GRIK2: variants seen among roughly 807,000 people sequenced by gnomAD.
The protein encoded by GRIK2 is glutamate receptor ionotropic, kainate 2.
A neutral mutation model predicts 100.3 loss-of-function variants in GRIK2; 32 were observed. The observed-to-expected ratio is 0.32, with a 90% CI of 0.24 to 0.43. The LOEUF is 0.43. Ranked by LOEUF, GRIK2 falls within the 20% of genes least tolerant of loss-of-function variation. The pLI is 1.00. For synonymous variants in GRIK2, 417 were observed against 389.4 expected, an observed-to-expected ratio of 1.07 and a Z score of -0.83; for missense variants, 843 against 1,114.9, an observed-to-expected ratio of 0.76 and a Z score of 3.47.
At chr6:101,593,730 G>A (rs542394356) in intron 2 of GRIK2, among the ~76,000 whole-genome samples, 2 of 151,968 alleles carry the variant, frequency 1.3e-5, no homozygotes, top group South Asian at 4.1e-4. Flanking sequence ...TAATATTAAA[G>A]TTGACTTTTT....
At chr6:101,713,261 G>GA (rs150028926) in intron 7 of GRIK2, among the ~76,000 whole-genome samples, 5,979 of 151,698 alleles carry the variant, frequency 0.039, 209 homozygotes, top group South Asian at 0.14. Context: ...TTGTATGCAT[G>GA]AAAAAACCTC....
At chr6:101,907,168 C>T (rs1254356947) in intron 12 of GRIK2, among the ~76,000 whole-genome samples, 2 of 151,552 alleles carry the variant, frequency 1.3e-5, no homozygotes, top group Non-Finnish European at 3.0e-5. Flanking sequence ...TTAAATAAGA[C>T]ATTGGGACAT....
chr6:101,704,982 T>C (rs2042206231), intron 7 of GRIK2, among the ~76,000 whole-genome samples: 1 of 131,782 alleles, frequency 7.6e-6, no homozygotes, highest in African/African-American at 2.5e-5. Flanking sequence ...ATTTATATTA[T>C]ATATTTATAT....
In GRIK2 at chr6:102,068,416, A is replaced by G; in HGVS notation, c.2632A>G (p.Lys878Glu). Residue 878 changes from lysine (K) to glutamate (E), a missense_variant, in exon 17 of 17, where the codon AAG becomes GAG. Transcript: ENST00000369134. The stretch of plus-strand genomic sequence containing the variant: ...GAAGTGCCAGCGTCGGTTAAAACAT[A>G]AGCCACAGGCCCCAGTTATTGTGAA... ...SLKCQRRLKH[K>E]PQAPVIVKTE... is the part of the protein sequence containing the mutation. 1 of 1,612,030 alleles carries G rather than the reference A, an allele frequency of 6.2e-7. No homozygotes were observed.
chr6:102,039,695 T>C (rs1770465121), intron 15 of GRIK2, among the ~76,000 whole-genome samples: 1 of 151,578 alleles, frequency 6.6e-6, no homozygotes, highest in African/African-American at 2.4e-5. Flanking sequence ...GAGTGCATAT[T>C]GCACTTTGAG....
intron 2 of GRIK2, among the ~76,000 whole-genome samples, chr6:101,570,666 T>A (rs935329294): frequency 6.6e-6 from 1 of 152,122 alleles, no homozygotes; most frequent in Non-Finnish European, 1.5e-5. Context: ...TACTCTTCCT[T>A]GCTGGACATG....
At chr6:101,479,959 T>C (rs1295983327) in intron 2 of GRIK2, among the ~76,000 whole-genome samples, 1 of 152,158 alleles carries the variant, frequency 6.6e-6, no homozygotes, top group Admixed American at 6.5e-5. Context: ...GTGGGACTTG[T>C]CAACTCCCAT....
chr6:101,819,585 C>G (rs1039018404), intron 10 of GRIK2, among the ~76,000 whole-genome samples: 8 of 152,112 alleles, frequency 5.3e-5, no homozygotes, highest in African/African-American at 1.9e-4. Flanking sequence ...ACTTAATTTT[C>G]TATCTTCCTT....
At chr6:101,470,349 T>C (rs757732915) in intron 2 of GRIK2, among the ~76,000 whole-genome samples, 3 of 152,104 alleles carry the variant, frequency 2.0e-5, no homozygotes, top group African/African-American at 4.8e-5. Flanking sequence ...ATTCTTGCCA[T>C]GGCAATTGGT....
chr6:101,869,470 C>T (rs1556995), intron 11 of GRIK2, among the ~76,000 whole-genome samples: 105,831 of 149,036 alleles, frequency 0.71, 38,557 homozygotes, highest in East Asian at 0.92. Context: ...TTTTGTGGCT[C>T]TTCTAGGAAA....
chr6:101,543,232 T>C (rs898170479), intron 2 of GRIK2, among the ~76,000 whole-genome samples: 5 of 152,204 alleles, frequency 3.3e-5, no homozygotes, highest in African/African-American at 1.2e-4. Context: ...CACTTCTTGT[T>C]GGATTAATCT....
Position 101,529,897 on chromosome 6 carries a change from A to G in GRIK2, c.116-92052A>G, listed in dbSNP as rs1184186303. On this transcript the variant is annotated intron_variant, in intron 2 of 16. Coordinates refer to ENST00000369134, the MANE Select transcript of GRIK2 (RefSeq NM_021956.5). ...AATTCATTTTTATTAACAATTGATT[A>G]AAGTATTGCCTTTTGTTGTCCATCA... is the stretch of plus-strand genomic sequence containing the variant. Among the ~76,000 whole-genome samples, 4 of 152,118 alleles carry G rather than the reference A, an allele frequency of 2.6e-5. No homozygotes were observed. The East Asian group carries it at 7.7e-4, about 29-fold the overall frequency.
Position 101,943,044 on chromosome 6 carries a change from A to G in GRIK2, c.2085+14412A>G, listed in dbSNP as rs935976629. The stretch of plus-strand genomic sequence containing the variant: ...GGGGAAAAAAATGGATTCATGGGCC[A>G]GGTCCAGAGCTCTGCAGCTCTGTGC... On this transcript the variant is annotated intron_variant, in intron 14 of 16. Transcript: ENST00000369134. Among the ~76,000 whole-genome samples the G allele has an allele frequency of 4.6e-5, 7 of 152,194 alleles. No individual in the cohort carries two copies. The South Asian group carries it at 1.2e-3, about 27-fold the overall frequency.
At chr6:101,865,206 A>G (rs1348232516) in intron 11 of GRIK2, among the ~76,000 whole-genome samples, 1 of 152,218 alleles carries the variant, frequency 6.6e-6, no homozygotes, top group Non-Finnish European at 1.5e-5. Context: ...GTTGGAATCT[A>G]ATTCAGTATT....
intron 2 of GRIK2, among the ~76,000 whole-genome samples, chr6:101,608,891 A>G (rs944426923): frequency 4.0e-5 from 6 of 150,942 alleles, no homozygotes; most frequent in Non-Finnish European, 8.9e-5. Context: ...GGGTCATTTC[A>G]TTTGATCTTG....
intron 11 of GRIK2, among the ~76,000 whole-genome samples, chr6:101,865,136 C>T (rs746556386): frequency 1.3e-5 from 2 of 151,966 alleles, no homozygotes; most frequent in Non-Finnish European, 1.5e-5. Flanking sequence ...CTTAAAAAAC[C>T]GGAATGAGAA....
intron 2 of GRIK2, among the ~76,000 whole-genome samples, chr6:101,595,078 C>T (rs1415484): frequency 6.6e-6 from 1 of 151,082 alleles, no homozygotes; most frequent in African/African-American, 2.4e-5. Context: ...CATTCATAGA[C>T]TTTTCAATAA....
At chr6:101,970,051 C>T (rs1051162974) in intron 14 of GRIK2, among the ~76,000 whole-genome samples, 5 of 152,048 alleles carry the variant, frequency 3.3e-5, no homozygotes, top group African/African-American at 9.7e-5. Context: ...ACTGAAATCA[C>T]ATGCCTATTT....
chr6:101,588,269 C>G (rs1778472614), intron 2 of GRIK2, among the ~76,000 whole-genome samples: 1 of 151,828 alleles, frequency 6.6e-6, no homozygotes, highest in Non-Finnish European at 1.5e-5. Flanking sequence ...TAAAAACAAC[C>G]AAATCCAAGG....
Sources: gnomAD v4.1 joint callset for allele counts (sites outside exome capture counted in the v4.1 genomes callset) on GRCh38, gnomAD v4.1.1 for gene constraint, MANE v1.5 for transcripts, NCBI Gene and HGNC (gene_info 2026-07-23, HGNC 2026-07-21) for gene names.